The following LIN52 variants were observed in gnomAD, a reference collection of about 807,000 sequenced individuals.
The protein encoded by LIN52 is lin-52 DREAM MuvB core complex component.
LIN52 carries 4 observed loss-of-function variants against 18.5 expected under a neutral mutation model. That is an observed-to-expected ratio of 0.22 (90% CI 0.11 to 0.49). The LOEUF (loss-of-function observed/expected upper bound fraction) is 0.49, where lower values mean the gene tolerates loss of function less well. LIN52 is among the 20% of genes least tolerant of loss of function. The pLI is 0.97. For missense variants in LIN52, 102 were observed against 139.5 expected (o/e 0.73, Z 1.35); for synonymous variants, 34 against 45.5 (o/e 0.75, Z 1.02).
chr14:74,151,504 TTAAAA>T (rs68112555), intron 5 of LIN52, among the ~76,000 whole-genome samples: 16,922 of 152,110 alleles, frequency 0.11, 1,208 homozygotes, highest in Admixed American at 0.19. Flanking sequence ...TGAGCAGAAA[TTAAAA>T]GAAAAAAGTG....
chr14:74,154,148 C>T (rs959637570), intron 5 of LIN52, among the ~76,000 whole-genome samples: 2 of 151,454 alleles, frequency 1.3e-5, no homozygotes, highest in African/African-American at 4.9e-5. Flanking sequence ...CAGGTCCCAT[C>T]TAGGATACTG....
At chr14:74,096,339 T>C (rs1302239933) in intron 3 of LIN52, among the ~76,000 whole-genome samples, 2 of 151,970 alleles carry the variant, frequency 1.3e-5, no homozygotes, top group African/African-American at 4.8e-5. Context: ...GGATTACAGG[T>C]GTGAGCCACC....
chr14:74,152,406 A>G (rs559995999), intron 5 of LIN52, among the ~76,000 whole-genome samples: 1 of 152,206 alleles, frequency 6.6e-6, no homozygotes, highest in East Asian at 1.9e-4. Flanking sequence ...ATTGATAATC[A>G]TTGCTTCAAT....
At chr14:74,192,733 G>T (rs535323716) in intron 5 of LIN52, 159 of 264,082 alleles carry the variant, frequency 6.0e-4, no homozygotes, top group Non-Finnish European at 1.1e-3. Flanking sequence ...ATTCCAATTT[G>T]ATGGGCAGCC....
At position 74,129,445 on chromosome 14, in the gene LIN52, T is replaced by C. The variant is rs533399740; in HGVS notation, c.283+28207T>C. 2.0e-5 allele frequency among the ~76,000 whole-genome samples: 3 copies of C among 152,304 alleles called. No homozygotes were observed. The South Asian group carries it at 6.2e-4, about 32-fold the overall frequency. ...TAGATTGGAAGAGAGCTACTTTGTC[T>C]ACTCTTGTATAACAAGGGAAATGAG... On this transcript the variant is annotated intron_variant, in intron 5 of 5. Coordinates refer to ENST00000555028, the MANE Select transcript of LIN52 (RefSeq NM_001024674.3).
At chr14:74,098,277 G>T (rs1300197135) in intron 4 of LIN52, among the ~76,000 whole-genome samples, 1 of 152,074 alleles carries the variant, frequency 6.6e-6, no homozygotes, top group Non-Finnish European at 1.5e-5. Flanking sequence ...TTAGCATTTT[G>T]GGAGGCCGAG....
At chr14:74,188,943 A>G (rs760025513) in intron 5 of LIN52, among the ~76,000 whole-genome samples, 5 of 152,196 alleles carry the variant, frequency 3.3e-5, no homozygotes, top group African/African-American at 4.8e-5. Context: ...CTAGGCCTTC[A>G]TCATCCCTAG....
At position 74,174,267 on chromosome 14, in the gene LIN52, A is replaced by G. The variant is rs537872891; in HGVS notation, c.284-24655A>G. Reference sequence around the variant, plus strand: ...TAGGTGATTTCATTGTGTGAACATCATAGTGTGTTCTTACACAAACCTAGA... The same window carrying G: ...TAGGTGATTTCATTGTGTGAACATCGTAGTGTGTTCTTACACAAACCTAGA... On this transcript the variant is annotated intron_variant, in intron 5 of 5. Transcript: ENST00000555028. Among the ~76,000 whole-genome samples the G allele has an allele frequency of 2.6e-5, 4 of 152,336 alleles. No homozygotes were observed. In the East Asian group the frequency reaches 7.7e-4, roughly 29 times the overall value.
At chr14:74,165,984 C>T (rs138096902) in intron 5 of LIN52, among the ~76,000 whole-genome samples, 2,396 of 146,304 alleles carry the variant, frequency 0.016, 61 homozygotes, top group African/African-American at 0.057. Flanking sequence ...TTCCACCTCC[C>T]GGCTTCAAGC....
At chr14:74,176,941 T>C (rs2061296842) in intron 5 of LIN52, among the ~76,000 whole-genome samples, 1 of 152,234 alleles carries the variant, frequency 6.6e-6, no homozygotes, top group African/African-American at 2.4e-5. Context: ...TAATATTCCA[T>C]TACATGGATA....
At chr14:74,164,395 C>G (rs1171694694) in intron 5 of LIN52, among the ~76,000 whole-genome samples, 1 of 152,004 alleles carries the variant, frequency 6.6e-6, no homozygotes, top group Non-Finnish European at 1.5e-5. Context: ...AGGGATTCTC[C>G]CATCTCAGCC....
intron 5 of LIN52, among the ~76,000 whole-genome samples, chr14:74,149,441 A>G (rs564997700): frequency 7.7e-4 from 118 of 152,304 alleles, no homozygotes; most frequent in Middle Eastern, 3.4e-3. Context: ...TTGAGACATC[A>G]TGATGAGATA....
chr14:74,096,502 TG>T (rs1337600834), intron 3 of LIN52, among the ~76,000 whole-genome samples: 9 of 152,128 alleles, frequency 5.9e-5, no homozygotes, highest in Non-Finnish European at 1.2e-4. Flanking sequence ...TTTGTTTTTT[TG>T]TTTTTTTTAA....
rs1448519376 is a variant in LIN52, at chr14:74,201,259, G to A, written c.*2282G>A. 1.3e-5 allele frequency: 2 copies of A among 151,890 alleles called. No individual in the cohort carries two copies. Among genetic ancestry groups the A allele is most frequent in the African/African-American group, 4.8e-5 (2 of 41,322 alleles). The allele number at this position is 151,890 out of a possible 1,614,324, so 9.4% of individuals were successfully genotyped here. A position where few individuals can be genotyped will look rare whatever the true frequency, so the allele number is the denominator to read the frequency against. On this transcript the variant is annotated 3_prime_UTR_variant, in exon 6 of 6. Coordinates refer to ENST00000555028, the MANE Select transcript of LIN52 (RefSeq NM_001024674.3). ...CAGGAGGGTGAGTTTTTCCTCAGAG[G>A]GCCGAGTTGGATATTTAAAGCACAG...
At chr14:74,195,188 T>A (rs1004906033) in intron 5 of LIN52, among the ~76,000 whole-genome samples, 1 of 152,200 alleles carries the variant, frequency 6.6e-6, no homozygotes, top group Non-Finnish European at 1.5e-5. Context: ...TGACTCTATA[T>A]AACACTCTCT....
chr14:74,179,966 G>C (rs1372880136), intron 5 of LIN52, among the ~76,000 whole-genome samples: 1 of 152,180 alleles, frequency 6.6e-6, no homozygotes, highest in African/African-American at 2.4e-5. Flanking sequence ...TCAAGCTCTT[G>C]AGTTTCTGAT....
intron 5 of LIN52, among the ~76,000 whole-genome samples, chr14:74,109,402 G>T (rs1422166313): frequency 6.6e-6 from 1 of 152,200 alleles, no homozygotes; most frequent in Admixed American, 6.5e-5. Flanking sequence ...GGAGGTTGAG[G>T]CTTCAGTGAA....
Position 74,192,638 on chromosome 14 carries a change from G to A in LIN52, c.284-6284G>A, listed in dbSNP as rs559508533. On this transcript the variant is annotated intron_variant, in intron 5 of 5. Transcript: ENST00000555028. Reference sequence around the variant, plus strand: ...TGGAGGGGTAGGATAGTTCAGTGGTGCAGTCTAAGATTAAGAGGCATACAC... The same window carrying A: ...TGGAGGGGTAGGATAGTTCAGTGGTACAGTCTAAGATTAAGAGGCATACAC... The A allele has an allele frequency of 1.1e-4, 26 of 241,900 alleles. No homozygotes were observed. In the Admixed American group the frequency reaches 1.2e-3, roughly 11 times the overall value. The allele number at this position is 241,900 out of a possible 1,614,324, so 15.0% of individuals were successfully genotyped here. A position where few individuals can be genotyped will look rare whatever the true frequency, so the allele number is the denominator to read the frequency against.
At chr14:74,178,995 G>A (rs948863907) in intron 5 of LIN52, among the ~76,000 whole-genome samples, 3 of 151,920 alleles carry the variant, frequency 2.0e-5, no homozygotes, top group Non-Finnish European at 4.4e-5. Flanking sequence ...GCTGAGGTGA[G>A]AGGACCACTT....
Sources: allele counts gnomAD v4.1 joint callset (sites outside exome capture counted in the v4.1 genomes callset), GRCh38; gene constraint gnomAD v4.1.1; transcripts MANE v1.5; gene names NCBI Gene and HGNC (gene_info 2026-07-23, HGNC 2026-07-21).